The following ADAM10 variants were observed in gnomAD, a reference collection of about 807,000 sequenced individuals.
ADAM10 encodes the protein ADAM metallopeptidase domain 10.
A neutral mutation model predicts 90.1 loss-of-function variants in ADAM10; 17 were observed. The ratio of observed to expected loss-of-function variants is 0.19; its 90% CI spans 0.13 to 0.28. ADAM10 has a LOEUF of 0.28. Among genes scored for constraint, ADAM10 ranks in the 10% least tolerant of loss-of-function variants. ADAM10 has a pLI of 1.00. For synonymous variants in ADAM10, 310 were observed against 298.6 expected (o/e 1.04, Z -0.40); for missense variants, 610 against 914.3 (o/e 0.67, Z 4.29).
chr15:58,627,498 G>C (rs1895982119), intron 10 of ADAM10, among the ~76,000 whole-genome samples: 1 of 152,080 alleles, frequency 6.6e-6, no homozygotes. Context: ...GTATACTGAT[G>C]GCTGCAACTT....
intron 10 of ADAM10, 109 bp downstream of exon 10, chr15:58,627,591 C>A (rs1475508665): frequency 2.2e-6 from 2 of 897,856 alleles, no homozygotes; most frequent in African/African-American, 1.7e-5. Flanking sequence ...AAAGTGTTAG[C>A]AATAGTAAAA....
chr15:58,711,917 T>C (rs549731777), intron 2 of ADAM10, among the ~76,000 whole-genome samples: 132 of 152,152 alleles, frequency 8.7e-4, no homozygotes, highest in African/African-American at 2.9e-3. Flanking sequence ...ACAAGCTCTA[T>C]TAGGAAGAAG....
intron 1 of ADAM10, chr15:58,747,225 A>G (rs1899821237): frequency 6.6e-6 from 1 of 152,234 alleles, no homozygotes; most frequent in African/African-American, 2.4e-5. Flanking sequence ...CTGTGCTGGA[A>G]ATGGACACCA....
In ADAM10 at chr15:58,634,614, T is replaced by C. The variant is rs147182462; in HGVS notation, c.1013-1255A>G. Reference sequence around the variant, plus strand: ...CATCTGGTCAATTCATGCCTTTATATAGACATTACACTGGTAAGATCATAT... The same window carrying C: ...CATCTGGTCAATTCATGCCTTTATACAGACATTACACTGGTAAGATCATAT... On this transcript the variant is annotated intron_variant, in intron 8 of 15. Transcript: ENST00000260408. Among the ~76,000 whole-genome samples, 553 of 152,292 alleles carry C rather than the reference T, an allele frequency of 3.6e-3. 5 individuals carry two copies. The highest frequency in any genetic ancestry group is 0.013 in the African/African-American group (529 of 41,570).
At chr15:58,679,661 T>C (rs35499736) in intron 3 of ADAM10, among the ~76,000 whole-genome samples, 33,554 of 152,020 alleles carry the variant, frequency 0.22, 4,390 homozygotes, top group East Asian at 0.4. Flanking sequence ...TCCCAGCACT[T>C]TGGGGGGCCG....
chr15:58,655,704 A>ATATAC (rs1555414911), intron 5 of ADAM10, among the ~76,000 whole-genome samples: 972 of 58,418 alleles, frequency 0.017, 74 homozygotes, highest in African/African-American at 0.12. Context: ...TAGTATATAT[A>ATATAC]TATATAGTAT....
intron 14 of ADAM10, among the ~76,000 whole-genome samples, chr15:58,604,869 G>A (rs1481575896): frequency 6.6e-6 from 1 of 152,058 alleles, no homozygotes; most frequent in East Asian, 1.9e-4. Flanking sequence ...TGAGTAGCTG[G>A]GACTACAAGG....
intron 2 of ADAM10, among the ~76,000 whole-genome samples, chr15:58,708,858 A>G (rs1395808754): frequency 6.6e-6 from 1 of 152,238 alleles, no homozygotes; most frequent in Admixed American, 6.5e-5. Context: ...TTATTCCTGC[A>G]TACAAGTATC....
chr15:58,727,185 T>TC (rs1899061934), intron 1 of ADAM10, among the ~76,000 whole-genome samples: 1 of 119,260 alleles, frequency 8.4e-6, no homozygotes, highest in Non-Finnish European at 1.7e-5. Context: ...TCTTTTTTTT[T>TC]TTTTTTTTTT....
chr15:58,665,002 C>G lies in ADAM10; in HGVS notation c.585+95G>C. Reference sequence around the variant, plus strand: ...AACATTCCCCACAGTGGTGTTAAGTCTTTCAGAAATCCTAGAACATATATT... The same window carrying G: ...AACATTCCCCACAGTGGTGTTAAGTGTTTCAGAAATCCTAGAACATATATT... On this transcript the variant is annotated intron_variant, in intron 5 of 15. Coordinates refer to ENST00000260408, the MANE Select transcript of ADAM10 (RefSeq NM_001110.4). 2.9e-6 allele frequency: 3 copies of G among 1,031,756 alleles called. No homozygotes were observed. In the South Asian group the frequency reaches 3.8e-5, roughly 13 times the overall value. 63.9% of individuals were successfully genotyped at this position (1,031,756 alleles called of 1,614,324 possible).
intron 2 of ADAM10, among the ~76,000 whole-genome samples, chr15:58,682,643 TA>T (rs766010626): frequency 6.6e-6 from 1 of 152,178 alleles, no homozygotes; most frequent in Non-Finnish European, 1.5e-5. Context: ...CTGACCCAAT[TA>T]CTATTATCTA....
At chr15:58,670,960 C>G (rs1191558008) in intron 4 of ADAM10, among the ~76,000 whole-genome samples, 3 of 152,014 alleles carry the variant, frequency 2.0e-5, no homozygotes, top group Admixed American at 2.0e-4. Flanking sequence ...GAAAATGAGA[C>G]CAAGAAAAAG....
intron 14 of ADAM10, among the ~76,000 whole-genome samples, chr15:58,602,193 T>G (rs1263870507): frequency 6.6e-6 from 1 of 152,236 alleles, no homozygotes; most frequent in South Asian, 2.1e-4. Context: ...TTTTTGGACA[T>G]GTCCTCATCA....
At chr15:58,712,380 T>C (rs1898502288) in intron 2 of ADAM10, among the ~76,000 whole-genome samples, 1 of 151,584 alleles carries the variant, frequency 6.6e-6, no homozygotes, top group Admixed American at 6.6e-5. Flanking sequence ...GAAAATTAGC[T>C]AGGCATGGTG....
rs200345257 is a variant in ADAM10 at position 58,610,993 on chromosome 15, C to G, written c.1804+6G>C. 3.9e-5 allele frequency: 63 copies of G among 1,604,638 alleles called. No individual in the cohort carries two copies. Among genetic ancestry groups the G allele is most frequent in the Non-Finnish European group, 5.2e-5 (61 of 1,171,494 alleles). ...TTTTATACTCTTGTGTTTTTAAAAG[C>G]CTTACTTTTCTTCATACAGCATACA... is the stretch of plus-strand genomic sequence containing the variant. On this transcript the variant is annotated splice_donor_region_variant and intron_variant, in intron 13 of 15. Transcript: ENST00000260408.
rs148588227 is a variant in ADAM10, at chr15:58,589,452, A to C, written c.*8095T>G. On this transcript the variant is annotated 3_prime_UTR_variant, in exon 16 of 16. Coordinates refer to ENST00000260408, the MANE Select transcript of ADAM10 (RefSeq NM_001110.4). ...CCACTACCTACCTACCATGCTCGAT[A>C]TGCACTTCCTCTGAGCTACCAGGGC... is the stretch of plus-strand genomic sequence containing the variant. The C allele has an allele frequency of 2.0e-5, 3 of 152,286 alleles. No individual in the cohort carries two copies. The highest frequency in any genetic ancestry group is 7.2e-5 in the African/African-American group (3 of 41,554). The allele number at this position is 152,286 out of a possible 1,614,324, so 9.4% of individuals were successfully genotyped here.
intron 4 of ADAM10, among the ~76,000 whole-genome samples, chr15:58,677,348 G>A (rs1897322112): frequency 6.6e-6 from 1 of 151,994 alleles, no homozygotes; most frequent in Non-Finnish European, 1.5e-5. Context: ...TGATATCAAT[G>A]ATAAAGCATT....
In ADAM10 at chr15:58,698,389, C is replaced by T. The variant is rs562619036; in HGVS notation, c.207-16075G>A. ...GAGTTTGAGACCAGCCTGGGCAACA[C>T]GGCAAAACCCCATCTCTAAAAAAAA... On this transcript the variant is annotated intron_variant, in intron 2 of 15. Transcript: ENST00000260408. 6.5e-4 allele frequency: 176 copies of T among 270,810 alleles called. 1 individual carries two copies. The highest frequency in any genetic ancestry group is 9.8e-4 in the Non-Finnish European group (141 of 143,342). 16.8% of individuals were successfully genotyped at this position (270,810 alleles called of 1,614,324 possible).
intron 5 of ADAM10, among the ~76,000 whole-genome samples, chr15:58,652,223 T>C (rs571722301): frequency 2.0e-5 from 3 of 152,312 alleles, no homozygotes; most frequent in African/African-American, 7.2e-5. Flanking sequence ...AATCGTATCC[T>C]TTGCTGAGCC....
Sources: gnomAD v4.1 joint callset for allele counts (sites outside exome capture counted in the v4.1 genomes callset) on GRCh38, gnomAD v4.1.1 for gene constraint, MANE v1.5 for transcripts, NCBI Gene and HGNC (gene_info 2026-07-23, HGNC 2026-07-21) for gene names.